Variants in CFAP70 observed in about 807,000 individuals in gnomAD.
The protein encoded by CFAP70 is cilia and flagella associated protein 70.
A neutral mutation model predicts 137.6 loss-of-function variants in CFAP70; 81 were observed. The observed-to-expected ratio is 0.59, with a 90% CI of 0.49 to 0.71. The LOEUF is 0.71. CFAP70 is among the 30% of genes least tolerant of loss of function. The probability of loss-of-function intolerance (pLI) is 0.00; values close to 1 mark genes in which losing one functional copy is unlikely to be tolerated. For synonymous variants in CFAP70, 382 were observed against 423.6 expected (o/e 0.90, Z 1.20); for missense variants, 976 against 1,226.7 (o/e 0.80, Z 3.05).
chr10:73,298,557 TC>T (rs1342405706), intron 14 of CFAP70, among the ~76,000 whole-genome samples: 1 of 152,130 alleles, frequency 6.6e-6, no homozygotes, highest in African/African-American at 2.4e-5. Context: ...TAAAATTAAT[TC>T]TTTTAGAGAG....
rs1025043468 is a variant in CFAP70, at chr10:73,299,113, C to T, written c.1318-12G>A. 10 of 1,597,778 alleles carry T rather than the reference C, an allele frequency of 6.3e-6. No homozygotes were observed. Among genetic ancestry groups the T allele is most frequent in the African/African-American group, 1.4e-5 (1 of 74,066 alleles). ...TAGTCACTCACTGCCTAAGAAAATACAAAACATCTGGTAGACGCCTCAGAG... is the reference window on the plus strand; with the variant it reads ...TAGTCACTCACTGCCTAAGAAAATATAAAACATCTGGTAGACGCCTCAGAG... On this transcript the variant is annotated splice_polypyrimidine_tract_variant and intron_variant, in intron 13 of 26. Transcript: ENST00000310715.
intron 25 of CFAP70, 31 bp from the exon 27 acceptor site, chr10:73,256,447 A>C: frequency 6.2e-7 from 1 of 1,613,794 alleles, no homozygotes; most frequent in Non-Finnish European, 8.5e-7. Context: ...GGTGATGATG[A>C]CAGGTCATAA....
chr10:73,278,273 A>G (rs1564772599), exon 20 of CFAP70: 2 of 1,614,112 alleles, frequency 1.2e-6, no homozygotes, highest in Non-Finnish European at 1.7e-6. Flanking sequence ...GTTCTTGTGA[A>G]TCAGACTGCA....
intron 12 of CFAP70, among the ~76,000 whole-genome samples, chr10:73,307,105 G>A (rs1284835600): frequency 6.6e-6 from 1 of 152,146 alleles, no homozygotes; most frequent in African/African-American, 2.4e-5. Context: ...TATAGGAGCA[G>A]AGTGTATAGT....
chr10:73,336,729 G>C (rs1012304294), intron 6 of CFAP70, among the ~76,000 whole-genome samples: 1 of 151,832 alleles, frequency 6.6e-6, no homozygotes, highest in African/African-American at 2.4e-5. Flanking sequence ...GGGACTACAG[G>C]CGCACGCCAC....
rs115021028 is a variant in CFAP70, at chr10:73,315,419, C to G, written c.913-2776G>C. 4.6e-3 allele frequency among the ~76,000 whole-genome samples: 697 copies of G among 152,168 alleles called. 4 individuals carry two copies. The highest frequency in any genetic ancestry group is 0.016 in the African/African-American group (662 of 41,498). On this transcript the variant is annotated intron_variant, in intron 9 of 26. Transcript: ENST00000310715. ...CTGCAGACATTTGTATTATTGTGAG[C>G]TTTTAGCTATTACAAATAATGCTGC...
Position 73,299,681 on chromosome 10 carries a change from A to G in CFAP70, c.1257-16T>C. The G allele has an allele frequency of 6.3e-7, 1 of 1,594,804 alleles. No individual in the cohort carries two copies. Reference sequence around the variant, plus strand: ...TTCCTTGACCCTGTATCAGGAAAGAAAAAAAATAAAAAAACAAAAAAAAAT... The same window carrying G: ...TTCCTTGACCCTGTATCAGGAAAGAGAAAAAATAAAAAAACAAAAAAAAAT... On this transcript the variant is annotated splice_polypyrimidine_tract_variant and intron_variant, in intron 12 of 26. Coordinates refer to ENST00000310715, the Ensembl canonical transcript of CFAP70.
chr10:73,305,768 C>T (rs7910747), intron 12 of CFAP70, among the ~76,000 whole-genome samples: 2,377 of 152,046 alleles, frequency 0.016, 66 homozygotes, highest in African/African-American at 0.053. Context: ...CAGTTTTCAA[C>T]GATGATAAAA....
chr10:73,328,746 C>T (rs368095338), intron 8 of CFAP70, among the ~76,000 whole-genome samples: 73 of 149,988 alleles, frequency 4.9e-4, no homozygotes, highest in African/African-American at 1.7e-3. Context: ...AAAATGCTCA[C>T]CATCACTGGC....
intron 5 of CFAP70, among the ~76,000 whole-genome samples, chr10:73,341,884 G>A (rs555748219): frequency 1.4e-4 from 21 of 152,242 alleles, no homozygotes; most frequent in African/African-American, 5.1e-4. Context: ...TTGAATTATT[G>A]GCAAATTCAT....
At chr10:73,311,660 C>T (rs7090121) in intron 11 of CFAP70, among the ~76,000 whole-genome samples, 174 bp downstream of exon 12, 23,282 of 152,110 alleles carry the variant, frequency 0.15, 2,906 homozygotes, top group African/African-American at 0.32. Flanking sequence ...CACCAGTTCA[C>T]TTTACAGAGT....
At chr10:73,299,723 T>C in intron 12 of CFAP70, 58 bp from the exon 14 acceptor site, 2 of 1,384,406 alleles carry the variant, frequency 1.4e-6, no homozygotes, top group Non-Finnish European at 9.9e-7. Context: ...TCTACAGATG[T>C]ATATTTTCTT....
chr10:73,361,580 A>C (rs1297670785), upstream of CFAP70, among the ~76,000 whole-genome samples: 1 of 152,146 alleles, frequency 6.6e-6, no homozygotes. Context: ...TCATAATAAA[A>C]TCATCTACAT....
chr10:73,291,165 C>T lies in CFAP70; in HGVS notation c.2239+61G>A, dbSNP rs181342003. ...AGGTTGCTAGGACTACAGGTGTGAG[C>T]CACCACACCTGGCAGTAATTTTTCT... On this transcript the variant is annotated intron_variant, in intron 19 of 26. Transcript: ENST00000310715. 253 of 1,472,044 alleles carry T rather than the reference C, an allele frequency of 1.7e-4. No individual in the cohort carries two copies. In the African/African-American group the frequency reaches 3.0e-3, roughly 17 times the overall value. 91.2% of individuals were successfully genotyped at this position (1,472,044 alleles called of 1,614,324 possible).
At chr10:73,297,155 C>T (rs1342106206) in exon 15 of CFAP70, 11 of 1,612,972 alleles carry the variant, frequency 6.8e-6, no homozygotes, top group Non-Finnish European at 8.5e-6. Context: ...TTATCTCTCA[C>T]AATCTTTACC....
chr10:73,293,444 G>A, intron 15 of CFAP70, 56 bp from the exon 17 acceptor site: 1 of 1,466,604 alleles, frequency 6.8e-7, no homozygotes. Context: ...AAGTAGAGAG[G>A]TTTCATAAGC....
intron 24 of CFAP70, among the ~76,000 whole-genome samples, chr10:73,272,206 G>A (rs947021523): frequency 1.3e-5 from 2 of 151,982 alleles, no homozygotes; most frequent in African/African-American, 2.4e-5. Flanking sequence ...ATGGTGGTGG[G>A]CACCTGTAAT....
chr10:73,362,231 A>T (rs866496585), upstream of CFAP70, among the ~76,000 whole-genome samples: 1 of 152,216 alleles, frequency 6.6e-6, no homozygotes, highest in South Asian at 2.1e-4. Context: ...TTGGACCCTT[A>T]CCTCACACCA....
intron 9 of CFAP70, among the ~76,000 whole-genome samples, chr10:73,321,905 T>C (rs1193449798): frequency 6.6e-6 from 1 of 152,188 alleles, no homozygotes; most frequent in Non-Finnish European, 1.5e-5. Flanking sequence ...TGCCTCAGCC[T>C]CCTGAGTGGC....
Sources: allele counts gnomAD v4.1 joint callset (sites outside exome capture counted in the v4.1 genomes callset), GRCh38; gene constraint gnomAD v4.1.1; transcripts MANE v1.5; gene names NCBI Gene and HGNC (gene_info 2026-07-23, HGNC 2026-07-21).